CORO2B: variants seen among roughly 807,000 people sequenced by gnomAD.
CORO2B encodes the protein coronin-2B.
In CORO2B, 26 loss-of-function variants were observed where a neutral mutation model predicts 58.8. The ratio of observed to expected loss-of-function variants is 0.44; its 90% CI spans 0.32 to 0.61. The LOEUF is 0.61. CORO2B is among the 20% of genes least tolerant of loss of function. The pLI is 0.04. For missense variants in CORO2B, 460 were observed against 645.1 expected (o/e 0.71, Z 3.11); for synonymous variants, 242 against 253.8 (o/e 0.95, Z 0.44).
At chr15:68,546,100 C>A in the CORO2B span, among the ~76,000 whole-genome samples, 34 of 152,264 alleles carry the variant, frequency 2.2e-4, no homozygotes, top group South Asian at 7.0e-3. Context: ...AGAAAATCGA[C>A]TTGGTGCTCC....
intron 1 of CORO2B, among the ~76,000 whole-genome samples, chr15:68,633,523 A>ACACACACACG (rs1402654449): frequency 6.6e-6 from 1 of 151,106 alleles, no homozygotes; most frequent in Admixed American, 6.6e-5. Flanking sequence ...ATACACACAC[A>ACACACACACG]CACACACACA....
At chr15:68,583,811 C>T (rs935248067) in intron 1 of CORO2B, among the ~76,000 whole-genome samples, 1 of 152,198 alleles carries the variant, frequency 6.6e-6, no homozygotes, top group Non-Finnish European at 1.5e-5. Context: ...AGAGCCAGCA[C>T]CTCAGGAAGC....
chr15:68,539,834 T>A, the CORO2B span, among the ~76,000 whole-genome samples: 13 of 152,328 alleles, frequency 8.5e-5, no homozygotes, highest in African/African-American at 2.6e-4. Context: ...TGAGTGACAT[T>A]GTTTGGAAAT....
chr15:68,561,508 G>A, the CORO2B span, among the ~76,000 whole-genome samples: 1 of 152,150 alleles, frequency 6.6e-6, no homozygotes, highest in African/African-American at 2.4e-5. Flanking sequence ...AGGGTCCCCG[G>A]TTGTCAAGGA....
Position 68,604,419 on chromosome 15 carries a change from G to T in CORO2B, c.15+25142G>T, listed in dbSNP as rs74861322. Among the ~76,000 whole-genome samples the T allele has an allele frequency of 6.5e-4, 99 of 152,220 alleles. 1 individual carries two copies. The East Asian group carries it at 0.019, about 29-fold the overall frequency. On this transcript the variant is annotated intron_variant, in intron 1 of 11. Transcript: ENST00000261861. ...GAGGAGAGGAACCCTATTAACAAGG[G>T]CAAAGATTGCCATCACTGAGGATAG... is the stretch of plus-strand genomic sequence containing the variant.
intron 11 of CORO2B, among the ~76,000 whole-genome samples, chr15:68,721,214 C>T (rs902538458): frequency 6.6e-6 from 1 of 152,106 alleles, no homozygotes; most frequent in Non-Finnish European, 1.5e-5. Context: ...AAATAAGACC[C>T]TTCTTGACCT....
chr15:68,593,385 A>G (rs1321200618), intron 1 of CORO2B, among the ~76,000 whole-genome samples: 3 of 152,224 alleles, frequency 2.0e-5, no homozygotes, highest in Admixed American at 1.3e-4. Flanking sequence ...TCCTTCCCCC[A>G]GAACAATAGA....
At chr15:68,617,623 T>C (rs1735367958) in intron 1 of CORO2B, among the ~76,000 whole-genome samples, 1 of 152,236 alleles carries the variant, frequency 6.6e-6, no homozygotes, top group African/African-American at 2.4e-5. Context: ...TAGGACCAGA[T>C]AAACTCTAGG....
At position 68,710,298 on chromosome 15, in the gene CORO2B, G is replaced by A. The variant is rs1208229309; in HGVS notation, c.334-434G>A. ...CATCCTGGGTGGGGGACACAGTGGGGGATAAGGCCCTGCAGTCCAAACAGC... is the reference window on the plus strand; with the variant it reads ...CATCCTGGGTGGGGGACACAGTGGGAGATAAGGCCCTGCAGTCCAAACAGC... On this transcript the variant is annotated intron_variant, in intron 3 of 11. Coordinates refer to ENST00000261861, the MANE Select transcript of CORO2B (RefSeq NM_006091.5). The surrounding 1 kb of genome is among the most constrained non-coding windows in gnomAD (Gnocchi z 4.1). Among the ~76,000 whole-genome samples the A allele has an allele frequency of 6.6e-6, 1 of 152,170 alleles. No homozygotes were observed. Among genetic ancestry groups the A allele is most frequent in the Non-Finnish European group, 1.5e-5 (1 of 68,024 alleles).
chr15:68,718,955 C>A, intron 9 of CORO2B, 145 bp downstream of exon 9: 2 of 851,214 alleles, frequency 2.3e-6, no homozygotes, highest in Non-Finnish European at 3.8e-6. Context: ...GAGGGGCATT[C>A]TCAGATGGGG....
In CORO2B at chr15:68,717,173, G is replaced by A. The variant is rs376925309; in HGVS notation, c.968-1525G>A. 7.9e-5 allele frequency among the ~76,000 whole-genome samples: 12 copies of A among 152,130 alleles called. No homozygotes were observed. In the East Asian group the frequency reaches 1.7e-3, roughly 22 times the overall value. On this transcript the variant is annotated intron_variant, in intron 8 of 11. Coordinates refer to ENST00000261861, the MANE Select transcript of CORO2B (RefSeq NM_006091.5). ...CACCAAAAATACAAAAAGTACCTGG[G>A]TGTGGTGATACACCCCTGTAATCCC...
In CORO2B at chr15:68,579,133, C is replaced by A; in HGVS notation, c.-130C>A. ...CCGCCCGGAGCGCAGCCCCCAGGCTCGGCCGAGCCGCCGGCGGGGCGCGGG... is the reference window on the plus strand; with the variant it reads ...CCGCCCGGAGCGCAGCCCCCAGGCTAGGCCGAGCCGCCGGCGGGGCGCGGG... On this transcript the variant is annotated 5_prime_UTR_variant, in exon 1 of 12. Transcript: ENST00000261861. 25 of 981,676 alleles carry A rather than the reference C, an allele frequency of 2.5e-5. No individual in the cohort carries two copies. The highest frequency in any genetic ancestry group is 3.0e-5 in the Non-Finnish European group (25 of 828,382). The allele number at this position is 981,676 out of a possible 1,614,324, so 60.8% of individuals were successfully genotyped here.
At chr15:68,646,510 A>G (rs1174517300) in intron 2 of CORO2B, among the ~76,000 whole-genome samples, 3 of 152,176 alleles carry the variant, frequency 2.0e-5, no homozygotes, top group Non-Finnish European at 4.4e-5. Flanking sequence ...AAAGGCTTAG[A>G]CCAGATCTTC....
At chr15:68,528,304 G>A in the CORO2B span, among the ~76,000 whole-genome samples, 5 of 152,008 alleles carry the variant, frequency 3.3e-5, no homozygotes, top group Non-Finnish European at 7.4e-5. Flanking sequence ...ATCAAGTTGA[G>A]GAAGTTTTCT....
rs1596044582 is a variant in CORO2B at position 68,726,322 on chromosome 15, T to C, written c.*348T>C. 6.4e-6 allele frequency: 2 copies of C among 310,834 alleles called. No homozygotes were observed. The highest frequency in any genetic ancestry group is 1.2e-4 in the East Asian group (1 of 8,218). The allele number at this position is 310,834 out of a possible 1,614,324, so 19.3% of individuals were successfully genotyped here. On this transcript the variant is annotated 3_prime_UTR_variant, in exon 12 of 12. Transcript: ENST00000261861. ...GGGGAAGCGGGATCCCAGCTAGACT[T>C]AGAACTTGGACTTTTCCCCTGTGAA... is the stretch of plus-strand genomic sequence containing the variant.
chr15:68,606,645 A>G (rs910117682), intron 1 of CORO2B, among the ~76,000 whole-genome samples: 2 of 152,202 alleles, frequency 1.3e-5, no homozygotes, highest in Non-Finnish European at 2.9e-5. Context: ...TACAGTTTGG[A>G]TACAGAAACA....
chr15:68,633,724 G>A (rs1900933562), intron 1 of CORO2B, among the ~76,000 whole-genome samples: 1 of 152,168 alleles, frequency 6.6e-6, no homozygotes, highest in African/African-American at 2.4e-5. Context: ...CACATTTGGG[G>A]CACTGAGAGA....
At chr15:68,609,331 G>A (rs1219256035) in intron 1 of CORO2B, among the ~76,000 whole-genome samples, 1 of 152,174 alleles carries the variant, frequency 6.6e-6, no homozygotes, top group Non-Finnish European at 1.5e-5. Flanking sequence ...AAGGAGAAGA[G>A]GATCTGGTGA....
intron 2 of CORO2B, among the ~76,000 whole-genome samples, chr15:68,688,927 G>GA (rs1442851631): frequency 2.0e-5 from 3 of 152,028 alleles, no homozygotes; most frequent in African/African-American, 7.2e-5. Context: ...GGGCGTCCAT[G>GA]CCCTCCTCCT....
Sources: gnomAD v4.1 joint callset for allele counts (sites outside exome capture counted in the v4.1 genomes callset) on GRCh38, gnomAD v4.1.1 for gene constraint, Gnocchi (gnomAD v3.1) non-coding constraint, MANE v1.5 for transcripts, NCBI Gene and HGNC (gene_info 2026-07-23, HGNC 2026-07-21) for gene names.